CSMD3: variants seen among roughly 807,000 people sequenced by gnomAD.
CSMD3 encodes the protein CUB and Sushi multiple domains 3, also known as CUB and sushi domain-containing protein 3.
Under a neutral mutation model 435.2 loss-of-function variants are expected in CSMD3, and 177 were observed. The observed-to-expected ratio is 0.41, with a 90% CI of 0.36 to 0.46. CSMD3 has a LOEUF of 0.46. Among genes scored for constraint, CSMD3 ranks in the 20% least tolerant of loss-of-function variants. CSMD3 has a pLI of 0.34. For missense variants in CSMD3, 4,265 were observed against 4,504.6 expected (o/e 0.95, Z 1.52); for synonymous variants, 1,656 against 1,520.5 (o/e 1.09, Z -2.07).
At chr8:113,173,636 A>T in intron 4 of CSMD3, 86 bp downstream of exon 4, 1 of 1,113,116 alleles carries the variant, frequency 9.0e-7, no homozygotes, top group East Asian at 2.4e-5. Flanking sequence ...TATCCTTTAG[A>T]TTCCGTAGAA....
At position 112,810,278 on chromosome 8, in the gene CSMD3, ATG is replaced by A. The variant is rs542148613; in HGVS notation, c.1860-10006_1860-10005del. ...TAATCCCAAAGTAAAAGTAACTAATATGTGTCTAAATATTAATCCATAAATTT... is the reference window on the plus strand; with the variant it reads ...TAATCCCAAAGTAAAAGTAACTAATATGTCTAAATATTAATCCATAAATTT... On this transcript the variant is annotated intron_variant, in intron 12 of 70. Coordinates refer to ENST00000297405, the MANE Select transcript of CSMD3 (RefSeq NM_198123.2). 2.3e-3 allele frequency among the ~76,000 whole-genome samples: 355 copies of A among 152,294 alleles called. 1 individual carries two copies. The highest frequency in any genetic ancestry group is 8.2e-3 in the African/African-American group (339 of 41,582).
At chr8:112,332,234 G>C (rs1286190996) in intron 45 of CSMD3, among the ~76,000 whole-genome samples, 3 of 152,082 alleles carry the variant, frequency 2.0e-5, no homozygotes, top group Non-Finnish European at 4.4e-5. Flanking sequence ...GTTTTCAAAA[G>C]TTTGGTAAAA....
chr8:112,895,590 C>T (rs1196357187), intron 10 of CSMD3, among the ~76,000 whole-genome samples: 1 of 151,342 alleles, frequency 6.6e-6, no homozygotes, highest in Non-Finnish European at 1.5e-5. Flanking sequence ...CTTGGTTATA[C>T]CTGGCAATTG....
At chr8:113,143,731 A>G (rs1016239365) in intron 4 of CSMD3, among the ~76,000 whole-genome samples, 1 of 151,486 alleles carries the variant, frequency 6.6e-6, no homozygotes, top group South Asian at 2.1e-4. Flanking sequence ...CCATTTATAC[A>G]ACGTTCTTAA....
At chr8:113,201,816 C>T (rs1470788478) in intron 3 of CSMD3, among the ~76,000 whole-genome samples, 1 of 151,980 alleles carries the variant, frequency 6.6e-6, no homozygotes, top group Non-Finnish European at 1.5e-5. Flanking sequence ...TTTATGAATG[C>T]ATTTAATAGT....
chr8:113,213,709 T>C (rs2092867390), intron 3 of CSMD3, among the ~76,000 whole-genome samples: 1 of 152,020 alleles, frequency 6.6e-6, no homozygotes, highest in African/African-American at 2.4e-5. Flanking sequence ...TTACAATGAT[T>C]TTATAATTTC....
At chr8:112,799,040 C>A in intron 13 of CSMD3, among the ~76,000 whole-genome samples, 1 of 151,708 alleles carries the variant, frequency 6.6e-6, no homozygotes, top group South Asian at 2.1e-4. Flanking sequence ...GTAACATAAG[C>A]CAATTGTTCT....
chr8:113,322,628 T>C (rs2093956809), intron 1 of CSMD3, among the ~76,000 whole-genome samples: 1 of 152,232 alleles, frequency 6.6e-6, no homozygotes, highest in Admixed American at 6.5e-5. Flanking sequence ...CAAAATAAAC[T>C]GCTAAAATTT....
At chr8:113,107,304 A>G (rs2131583376) in intron 4 of CSMD3, among the ~76,000 whole-genome samples, 1 of 152,328 alleles carries the variant, frequency 6.6e-6, no homozygotes, top group Non-Finnish European at 1.5e-5. Flanking sequence ...AGTTTTGTGT[A>G]GAAAAGGGGT....
At chr8:113,412,072 T>C (rs764354241) in intron 1 of CSMD3, among the ~76,000 whole-genome samples, 1 of 152,102 alleles carries the variant, frequency 6.6e-6, no homozygotes, top group Non-Finnish European at 1.5e-5. Context: ...CTATCATGAT[T>C]AAATGAGCTT....
At chr8:113,020,900 A>G (rs2086662851) in intron 5 of CSMD3, among the ~76,000 whole-genome samples, 2 of 152,242 alleles carry the variant, frequency 1.3e-5, no homozygotes, top group East Asian at 3.9e-4. Flanking sequence ...CCTCTAACCA[A>G]TACTCTTCAT....
chr8:113,195,843 CCACA>C (rs1588252477), intron 3 of CSMD3, among the ~76,000 whole-genome samples: 2 of 132,458 alleles, frequency 1.5e-5, no homozygotes, highest in East Asian at 4.3e-4. Flanking sequence ...ACACACACCC[CCACA>C]CACACATGCA....
At chr8:112,647,373 C>T (rs1467415549) in intron 19 of CSMD3, among the ~76,000 whole-genome samples, 4 of 150,674 alleles carry the variant, frequency 2.7e-5, no homozygotes, top group Non-Finnish European at 5.9e-5. Flanking sequence ...GCTATCTCGG[C>T]TCCCTGAAAG....
rs554609535 is a variant in CSMD3 at position 113,413,059 on chromosome 8, C to A, written c.178+23618G>T. Among the ~76,000 whole-genome samples the A allele has an allele frequency of 2.6e-5, 4 of 152,200 alleles. No homozygotes were observed. The East Asian group carries it at 7.7e-4, about 29-fold the overall frequency. On this transcript the variant is annotated intron_variant, in intron 1 of 70. Transcript: ENST00000297405. ...TATCTATCTTGCAACTATATTTATT[C>A]AATTGGTATCTAATGTTCGTTTAAT...
intron 51 of CSMD3, 75 bp from the exon 52 acceptor site, chr8:112,304,990 A>C: frequency 1.9e-5 from 20 of 1,060,996 alleles, no homozygotes; most frequent in Non-Finnish European, 2.3e-5. Flanking sequence ...TTACATCTCC[A>C]CTGACCTAAT....
intron 22 of CSMD3, among the ~76,000 whole-genome samples, chr8:112,608,446 A>G (rs1454606349): frequency 6.6e-6 from 1 of 152,152 alleles, no homozygotes; most frequent in Non-Finnish European, 1.5e-5. Context: ...AAATCAAACC[A>G]GAATTCATAT....
intron 12 of CSMD3, among the ~76,000 whole-genome samples, chr8:112,814,108 A>C (rs1291751535): frequency 6.6e-6 from 1 of 152,180 alleles, no homozygotes; most frequent in Admixed American, 6.5e-5. Context: ...GAGTTCCAGA[A>C]GTTTATATAT....
At chr8:112,333,627 A>T (rs781320429) in intron 45 of CSMD3, among the ~76,000 whole-genome samples, 40 of 151,734 alleles carry the variant, frequency 2.6e-4, no homozygotes, top group Non-Finnish European at 4.9e-4. Flanking sequence ...ATGTATATCT[A>T]TTATCCACAT....
chr8:113,425,352 C>T (rs1456554590), intron 1 of CSMD3, among the ~76,000 whole-genome samples: 1 of 151,394 alleles, frequency 6.6e-6, no homozygotes, highest in Non-Finnish European at 1.5e-5. Flanking sequence ...ATATGTCTAA[C>T]ATCTTCCAAT....
Sources: gnomAD v4.1 joint callset for allele counts (sites outside exome capture counted in the v4.1 genomes callset) on GRCh38, gnomAD v4.1.1 for gene constraint, MANE v1.5 for transcripts, NCBI Gene and HGNC (gene_info 2026-07-23, HGNC 2026-07-21) for gene names.